The following ALX1 variants were observed in gnomAD, a reference collection of about 807,000 sequenced individuals.
ALX1 encodes ALX homeobox protein 1.
Under a neutral mutation model 31.7 loss-of-function variants are expected in ALX1, and 19 were observed. The observed-to-expected ratio is 0.60, with a 90% confidence interval of 0.42 to 0.88. ALX1 has a LOEUF of 0.88. Ranked by LOEUF, ALX1 falls within the 40% of genes least tolerant of loss-of-function variation. The probability of loss-of-function intolerance (pLI) is 0.00; values close to 1 mark genes in which losing one functional copy is unlikely to be tolerated. For synonymous variants in ALX1, 153 were observed against 148.8 expected (o/e 1.03, Z -0.20); for missense variants, 415 against 407.8 (o/e 1.02, Z -0.15).
chr12:85,299,276 A>T (rs1896929439), intron 3 of ALX1, among the ~76,000 whole-genome samples: 1 of 151,586 alleles, frequency 6.6e-6, no homozygotes, highest in Non-Finnish European at 1.5e-5. Flanking sequence ...AAGTTAGAAG[A>T]GGTAGTTTGA....
chr12:85,282,100 C>G (rs1003960954), intron 1 of ALX1, among the ~76,000 whole-genome samples: 1 of 152,050 alleles, frequency 6.6e-6, no homozygotes, highest in Non-Finnish European at 1.5e-5. Flanking sequence ...TGATGCTTCC[C>G]CTCCCCCATC....
At chr12:85,282,174 A>G (rs1366416527) in intron 1 of ALX1, among the ~76,000 whole-genome samples, 3 of 151,998 alleles carry the variant, frequency 2.0e-5, no homozygotes, top group Admixed American at 6.6e-5. Flanking sequence ...TTAATCAGTC[A>G]TGGCTCTTCT....
At chr12:85,291,841 AG>A (rs921785053) in intron 3 of ALX1, among the ~76,000 whole-genome samples, 3 of 151,114 alleles carry the variant, frequency 2.0e-5, no homozygotes, top group Middle Eastern at 3.4e-3. Context: ...GGATTTGAAG[AG>A]GGCCAGGGGT....
chr12:85,300,409 C>T (rs866739244), intron 3 of ALX1, among the ~76,000 whole-genome samples: 45 of 152,022 alleles, frequency 3.0e-4, no homozygotes, highest in Middle Eastern at 3.4e-3. Flanking sequence ...GATGTTTTTG[C>T]TAAATAGTTG....
intron 3 of ALX1, among the ~76,000 whole-genome samples, chr12:85,299,245 C>A (rs2137394425): frequency 6.6e-6 from 1 of 150,410 alleles, no homozygotes; most frequent in Admixed American, 6.7e-5. Flanking sequence ...GATTGAATGT[C>A]AGAGGAAAAT....
At position 85,283,861 on chromosome 12, in the gene ALX1, T is replaced by G; in HGVS notation, c.516T>G (p.Thr172=). The part of the protein sequence containing the change: ...REQLALRTEL[T]EARVQVWFQN... ...AGCTTGCTCTGAGGACAGAGCTCAC[T>G]GAGGCCAGGGTCCAGGTAGGAGCCA... is the stretch of plus-strand genomic sequence containing the variant. Residue 172 remains threonine, a synonymous_variant, in exon 2 of 4, where the codon ACT becomes ACG. Transcript: ENST00000316824. The G allele has an allele frequency of 1.2e-6, 2 of 1,613,940 alleles. No individual in the cohort carries two copies.
chr12:85,282,882 G>A (rs1215140071), intron 1 of ALX1, among the ~76,000 whole-genome samples: 1 of 147,806 alleles, frequency 6.8e-6, no homozygotes, highest in Admixed American at 6.6e-5. Flanking sequence ...AAAAAGAACT[G>A]CGTAAGTTTT....
intron 3 of ALX1, 83 bp downstream of exon 3, chr12:85,287,064 A>T (rs1896758363): frequency 1.4e-6 from 2 of 1,474,964 alleles, no homozygotes; most frequent in South Asian, 1.2e-5. Context: ...AGGCTTTATT[A>T]TATGTAAGAT....
At chr12:85,298,616 G>A (rs947171640) in intron 3 of ALX1, among the ~76,000 whole-genome samples, 1 of 151,636 alleles carries the variant, frequency 6.6e-6, no homozygotes, top group Non-Finnish European at 1.5e-5. Flanking sequence ...TAGATATTTT[G>A]AAAACAAGAT....
At chr12:85,295,562 A>G (rs561252664) in intron 3 of ALX1, among the ~76,000 whole-genome samples, 68 of 151,718 alleles carry the variant, frequency 4.5e-4, no homozygotes, top group Non-Finnish European at 7.4e-4. Flanking sequence ...GGAAAACCAA[A>G]TCAGTTTTTA....
chr12:85,288,192 T>A (rs1459586524), intron 3 of ALX1, among the ~76,000 whole-genome samples: 1 of 151,510 alleles, frequency 6.6e-6, no homozygotes, highest in Non-Finnish European at 1.5e-5. Flanking sequence ...AGGAATTGGT[T>A]TGTGATCATA....
At chr12:85,292,586 T>C (rs1303758909) in intron 3 of ALX1, among the ~76,000 whole-genome samples, 2 of 151,168 alleles carry the variant, frequency 1.3e-5, no homozygotes, top group African/African-American at 2.4e-5. Context: ...TTTTTATAAT[T>C]TAATACATAG....
At chr12:85,287,287 T>C (rs1896760803) in intron 3 of ALX1, among the ~76,000 whole-genome samples, 1 of 151,796 alleles carries the variant, frequency 6.6e-6, no homozygotes, top group African/African-American at 2.4e-5. Context: ...TACATTCTAA[T>C]TACTCAGACT....
intron 3 of ALX1, among the ~76,000 whole-genome samples, chr12:85,292,710 C>T (rs11116771): frequency 0.5 from 75,759 of 150,574 alleles, 23,386 homozygotes; most frequent in African/African-American, 0.88. Flanking sequence ...ATATAATAGA[C>T]TGTAGACATA....
chr12:85,290,239 G>A (rs1034920426), intron 3 of ALX1, among the ~76,000 whole-genome samples: 1 of 151,134 alleles, frequency 6.6e-6, no homozygotes, highest in Admixed American at 6.6e-5. Context: ...AGCAACAGCT[G>A]TAACAGTAAA....
Position 85,301,327 on chromosome 12 carries a change from A to G in ALX1, c.833A>G (p.Asn278Ser). ...HQNQFSHVPL[N>S]NFFTDSLLTG... ...AACCAGTTCAGCCACGTGCCCCTCA[A>G]CAATTTTTTCACTGACTCTCTTCTT... Residue 278 changes from asparagine to serine, a missense_variant, in exon 4 of 4, where the codon AAC becomes AGC. Asn to Ser is a conservative substitution (Grantham distance 46). Coordinates refer to ENST00000316824, the MANE Select transcript of ALX1 (RefSeq NM_006982.3). 6.2e-7 allele frequency: 1 copy of G among 1,614,036 alleles called. No homozygotes were observed. The highest frequency in any genetic ancestry group is 1.1e-5 in the South Asian group (1 of 91,084).
chr12:85,300,543 T>A, intron 3 of ALX1, among the ~76,000 whole-genome samples: 1 of 152,198 alleles, frequency 6.6e-6, no homozygotes, highest in African/African-American at 2.4e-5. Context: ...ACAGAATAAA[T>A]TTTTAAAATA....
At chr12:85,287,551 T>A (rs999235720) in intron 3 of ALX1, among the ~76,000 whole-genome samples, 3 of 151,464 alleles carry the variant, frequency 2.0e-5, no homozygotes, top group Non-Finnish European at 4.4e-5. Context: ...CAGACATAAT[T>A]TTAAAAGTTA....
intron 1 of ALX1, among the ~76,000 whole-genome samples, chr12:85,282,199 A>G (rs1896683578): frequency 6.6e-6 from 1 of 152,060 alleles, no homozygotes; most frequent in Non-Finnish European, 1.5e-5. Context: ...ATTTGGTTTA[A>G]CATCACATCT....
Sources: allele counts gnomAD v4.1 joint callset (sites outside exome capture counted in the v4.1 genomes callset), GRCh38; gene constraint gnomAD v4.1.1; transcripts MANE v1.5; gene names NCBI Gene and HGNC (gene_info 2026-07-23, HGNC 2026-07-21).